The following NCS1 variants were observed in gnomAD, a reference collection of about 807,000 sequenced individuals.
The protein encoded by NCS1 is frequenin homolog.
A neutral mutation model predicts 28.4 loss-of-function variants in NCS1; 6 were observed. The observed-to-expected ratio is 0.21, with a 90% CI of 0.12 to 0.42. The LOEUF (loss-of-function observed/expected upper bound fraction) is 0.42, where lower values mean the gene tolerates loss of function less well. Among genes scored for constraint, NCS1 ranks in the 10% least tolerant of loss-of-function variants. The pLI is 1.00. For synonymous variants in NCS1, 86 were observed against 99.3 expected, an observed-to-expected ratio of 0.87 and a Z score of 0.79; for missense variants, 131 against 241.4, an observed-to-expected ratio of 0.54 and a Z score of 3.03.
chr9:130,222,784 A>G (rs782391646), intron 5 of NCS1, 46 bp downstream of exon 5: 1 of 1,570,814 alleles, frequency 6.4e-7, no homozygotes, highest in Non-Finnish European at 8.8e-7. Flanking sequence ...GGAGGGGCAA[A>G]GCCAGTGACT....
intron 1 of NCS1, among the ~76,000 whole-genome samples, chr9:130,194,862 A>G (rs1313378839): frequency 1.3e-5 from 2 of 152,258 alleles, no homozygotes; most frequent in Non-Finnish European, 1.5e-5. Flanking sequence ...GTGAAGGTCA[A>G]TGCATGAGAA....
chr9:130,191,238 C>A lies in NCS1; in HGVS notation c.65-9720C>A, dbSNP rs759928991. On this transcript the variant is annotated intron_variant, in intron 1 of 7. Coordinates refer to ENST00000372398, the MANE Select transcript of NCS1 (RefSeq NM_014286.4). The surrounding 1 kb of genome is among the most constrained non-coding windows in gnomAD (Gnocchi z 6.4). ...CCCTGCTGGACTGTGTGTCCCAAGC[C>A]GAGAGCCTGGCTTTAGAGGGCCTCG... is the stretch of plus-strand genomic sequence containing the variant. 6.6e-6 allele frequency among the ~76,000 whole-genome samples: 1 copy of A among 152,142 alleles called. No individual in the cohort carries two copies. The highest frequency in any genetic ancestry group is 2.4e-5 in the African/African-American group (1 of 41,448).
intron 1 of NCS1, among the ~76,000 whole-genome samples, chr9:130,182,714 C>T (rs1554905242): frequency 6.6e-6 from 1 of 152,200 alleles, no homozygotes; most frequent in African/African-American, 2.4e-5. Context: ...GGTCATCCTC[C>T]CGCCCTGGGA....
At chr9:130,212,180 C>G (rs782546798) in intron 2 of NCS1, among the ~76,000 whole-genome samples, 1 of 152,158 alleles carries the variant, frequency 6.6e-6, no homozygotes. Flanking sequence ...GGAAAGCACA[C>G]GGCCGCGTGC....
In NCS1 at chr9:130,219,928, C is replaced by T. The variant is rs1833251364; in HGVS notation, c.307+125C>T. On this transcript the variant is annotated intron_variant, in intron 4 of 7. Coordinates refer to ENST00000372398, the MANE Select transcript of NCS1 (RefSeq NM_014286.4). The surrounding 1 kb of genome is among the most constrained non-coding windows in gnomAD (Gnocchi z 5.7). The stretch of plus-strand genomic sequence containing the variant: ...ACTGCAGTGACCACAGATGGCGTCC[C>T]AGCTGTGTCTGCAGAGGGCAGGCCT... 4.8e-6 allele frequency: 5 copies of T among 1,044,238 alleles called. No homozygotes were observed. The Admixed American group carries it at 9.6e-5, about 20-fold the overall frequency. 64.7% of individuals were successfully genotyped at this position (1,044,238 alleles called of 1,614,324 possible).
intron 2 of NCS1, among the ~76,000 whole-genome samples, chr9:130,210,412 AAAAG>A (rs1266058470): frequency 3.3e-5 from 5 of 150,964 alleles, no homozygotes; most frequent in African/African-American, 1.2e-4. Context: ...AAAAAAAAAA[AAAAG>A]AAAGAAAGGG....
At chr9:130,206,783 A>C (rs1564709408) in intron 2 of NCS1, among the ~76,000 whole-genome samples, 1 of 151,962 alleles carries the variant, frequency 6.6e-6, no homozygotes, top group Non-Finnish European at 1.5e-5. Flanking sequence ...CTCTCTTGGG[A>C]AAATGCAGGA....
chr9:130,206,497 C>T (rs918765260), intron 2 of NCS1, among the ~76,000 whole-genome samples: 7 of 151,538 alleles, frequency 4.6e-5, no homozygotes, highest in African/African-American at 1.5e-4. Flanking sequence ...CAATCTCTAC[C>T]TCCTGGGTTC....
chr9:130,221,055 G>T (rs192240831), intron 4 of NCS1, among the ~76,000 whole-genome samples: 6 of 151,960 alleles, frequency 3.9e-5, no homozygotes, highest in Middle Eastern at 3.4e-3. Context: ...ACAGAGTCTC[G>T]CTCTGTTGCT....
chr9:130,206,407 T>C (rs1263770233), intron 2 of NCS1, among the ~76,000 whole-genome samples: 1 of 52,614 alleles, frequency 1.9e-5, no homozygotes, highest in African/African-American at 6.2e-5. Flanking sequence ...TTCTTTCTTT[T>C]TTTTTTTTTT....
chr9:130,219,749 T>A lies in NCS1; in HGVS notation c.253T>A (p.Phe85Ile). Reference sequence around the variant, plus strand: ...GGACGGGCGAATTGAGTTCTCCGAGTTCATCCAGGCGCTGTCGGTGACCTC... The same window carrying A: ...GGACGGGCGAATTGAGTTCTCCGAGATCATCCAGGCGCTGTCGGTGACCTC... ...NKDGRIEFSE[F>I]IQALSVTSRG... is the part of the protein sequence containing the mutation. The change falls in exon 4 of 8, where the codon TTC becomes ATC. Residue 85 changes from phenylalanine to isoleucine, a missense_variant. By Grantham distance (21) the Phe-to-Ile change is conservative (BLOSUM62 0). Around this residue, in one of 2 missense-constraint regions of NCS1, gnomAD observed 100 missense variants for 210.3 expected, o/e 0.48. Coordinates refer to ENST00000372398, the MANE Select transcript of NCS1 (RefSeq NM_014286.4). This position sits in a 1 kb window ranked among gnomAD's most constrained non-coding sequence, Gnocchi z 5.7. 6.2e-7 allele frequency: 1 copy of A among 1,614,160 alleles called. No individual in the cohort carries two copies. The highest frequency in any genetic ancestry group is 8.5e-7 in the Non-Finnish European group (1 of 1,180,026).
At position 130,233,349 on chromosome 9, in the gene NCS1, A is replaced by G. The variant is rs1833523410; in HGVS notation, c.*377A>G. 6.6e-6 allele frequency: 1 copy of G among 152,130 alleles called. No homozygotes were observed. The highest frequency in any genetic ancestry group is 2.1e-4 in the South Asian group (1 of 4,812). 9.4% of individuals were successfully genotyped at this position (152,130 alleles called of 1,614,324 possible). ...CGTTTTAAAAGAAAAAAAAACAACT[A>G]CCTTCTGTCCTAGAAGACACAGACT... On this transcript the variant is annotated 3_prime_UTR_variant, in exon 8 of 8. Transcript: ENST00000372398. The surrounding 1 kb of genome is among the most constrained non-coding windows in gnomAD (Gnocchi z 4.8).
chr9:130,210,595 G>A (rs79763984), intron 2 of NCS1, among the ~76,000 whole-genome samples: 55 of 152,014 alleles, frequency 3.6e-4, no homozygotes, highest in African/African-American at 1.3e-3. Context: ...TGCTCAGGAC[G>A]TCCTGTGGTG....
chr9:130,188,073 G>T (rs372485219), intron 1 of NCS1, among the ~76,000 whole-genome samples: 4 of 152,358 alleles, frequency 2.6e-5, no homozygotes, highest in South Asian at 4.1e-4. Context: ...GGGTGCCCCC[G>T]TTATTAGCCC....
intron 2 of NCS1, among the ~76,000 whole-genome samples, chr9:130,211,323 TC>T (rs1182233724): frequency 6.6e-6 from 1 of 151,640 alleles, no homozygotes; most frequent in East Asian, 2.0e-4. Context: ...CCCAGAGCCA[TC>T]CATCCTCTGG....
At chr9:130,188,148 A>C (rs1832764196) in intron 1 of NCS1, among the ~76,000 whole-genome samples, 3 of 152,184 alleles carry the variant, frequency 2.0e-5, no homozygotes. Context: ...AATTGTTAAC[A>C]TTTTGGGATA....
intron 3 of NCS1, among the ~76,000 whole-genome samples, chr9:130,218,554 A>C (rs1174837048): frequency 6.6e-6 from 1 of 152,186 alleles, no homozygotes; most frequent in African/African-American, 2.4e-5. Flanking sequence ...ATAATAACCA[A>C]TATTTCCTGA....
chr9:130,187,912 C>T (rs1442389833), intron 1 of NCS1, among the ~76,000 whole-genome samples: 1 of 152,194 alleles, frequency 6.6e-6, no homozygotes, highest in Admixed American at 6.5e-5. Context: ...TGTCTCCCAC[C>T]CCTTCCTGGG....
chr9:130,180,846 G>A lies in NCS1; in HGVS notation c.64+8119G>A, dbSNP rs541447030. ...ACAGGCTCTTGGCTGAATTGGGAGC[G>A]AGTGGCAAACATGGAGGGCCTCTGT... On this transcript the variant is annotated intron_variant, in intron 1 of 7. Coordinates refer to ENST00000372398, the MANE Select transcript of NCS1 (RefSeq NM_014286.4). This position sits in a 1 kb window ranked among gnomAD's most constrained non-coding sequence, Gnocchi z 4.5. Among the ~76,000 whole-genome samples the A allele has an allele frequency of 8.5e-5, 13 of 152,364 alleles. No homozygotes were observed. In the South Asian group the frequency reaches 1.9e-3, roughly 22 times the overall value.
Sources: gnomAD v4.1 joint callset for allele counts (sites outside exome capture counted in the v4.1 genomes callset) on GRCh38, gnomAD v4.1.1 for gene constraint, gnomAD v4.1.1 regional missense constraint, Gnocchi (gnomAD v3.1) non-coding constraint, MANE v1.5 for transcripts, NCBI Gene and HGNC (gene_info 2026-07-23, HGNC 2026-07-21) for gene names.